SIPA1L1: variants seen among roughly 807,000 people sequenced by gnomAD.
SIPA1L1 encodes signal induced proliferation associated 1 like 1.
Under a neutral mutation model 162.7 loss-of-function variants are expected in SIPA1L1, and 26 were observed. The ratio of observed to expected loss-of-function variants is 0.16; its 90% confidence interval spans 0.12 to 0.22. The LOEUF (loss-of-function observed/expected upper bound fraction) is 0.22, where lower values mean the gene tolerates loss of function less well. Among genes scored for constraint, SIPA1L1 ranks in the 10% least tolerant of loss-of-function variants. The pLI is 1.00. For missense variants in SIPA1L1, 1,874 were observed against 2,241.0 expected, an observed-to-expected ratio of 0.84 and a Z score of 3.31; for synonymous variants, 829 against 837.4, an observed-to-expected ratio of 0.99 and a Z score of 0.17.
intron 4 of SIPA1L1, among the ~76,000 whole-genome samples, chr14:71,542,290 C>G (rs1460644268): frequency 6.7e-6 from 1 of 149,694 alleles, no homozygotes; most frequent in Non-Finnish European, 1.5e-5. Flanking sequence ...CTCTCCTCTT[C>G]CTCTTCTCCT....
chr14:71,693,341 A>C (rs1024329211), intron 13 of SIPA1L1, among the ~76,000 whole-genome samples: 2 of 152,158 alleles, frequency 1.3e-5, no homozygotes, highest in African/African-American at 2.4e-5. Flanking sequence ...TCTACTAAAA[A>C]CACAATAATT....
chr14:71,537,524 G>A (rs769683027), intron 4 of SIPA1L1, among the ~76,000 whole-genome samples: 3 of 152,120 alleles, frequency 2.0e-5, no homozygotes, highest in African/African-American at 4.8e-5. Flanking sequence ...ACTTCTACAC[G>A]AAGACAGACT....
chr14:71,702,850 A>G (rs1349042875), intron 15 of SIPA1L1, among the ~76,000 whole-genome samples: 6 of 152,194 alleles, frequency 3.9e-5, no homozygotes, highest in Admixed American at 2.6e-4. Context: ...CTTAATGTCA[A>G]TTTGAAAAAC....
intron 4 of SIPA1L1, among the ~76,000 whole-genome samples, chr14:71,576,371 A>T (rs1031548148): frequency 6.6e-6 from 1 of 152,218 alleles, no homozygotes; most frequent in African/African-American, 2.4e-5. Context: ...TAGTGAGATA[A>T]TGAGCAGTGC....
At position 71,702,444 on chromosome 14, in the gene SIPA1L1, T is replaced by C. The variant is rs773385862; in HGVS notation, c.3585T>C (p.Gly1195=). Residue 1195 remains glycine, a synonymous_variant, in exon 15 of 24, where the codon GGT becomes GGC. Coordinates refer to ENST00000381232, the MANE Select transcript of SIPA1L1 (RefSeq NM_001386936.1). ...GGCAGAACACCCAGTCAGATATTGG[T>C]GGCAGCGGAAAATCCACGCCTAGCT... The part of the protein sequence containing the change: ...IDRQNTQSDI[G]GSGKSTPSWQ... 6.2e-7 allele frequency: 1 copy of C among 1,614,072 alleles called. No homozygotes were observed. The highest frequency in any genetic ancestry group is 1.7e-5 in the Admixed American group (1 of 60,010).
intron 4 of SIPA1L1, among the ~76,000 whole-genome samples, chr14:71,584,544 G>T (rs551458691): frequency 6.6e-6 from 1 of 152,342 alleles, no homozygotes; most frequent in Non-Finnish European, 1.5e-5. Context: ...TGGATGTATG[G>T]TCCATGCTCT....
In SIPA1L1 at chr14:71,641,679, AGCCACT is replaced by A. The variant is rs1412214809; in HGVS notation, c.1819-8653_1819-8648del. Among the ~76,000 whole-genome samples, 9 of 152,280 alleles carry A rather than the reference AGCCACT, an allele frequency of 5.9e-5. No homozygotes were observed. The East Asian group carries it at 1.2e-3, about 20-fold the overall frequency. On this transcript the variant is annotated intron_variant, in intron 7 of 23. Transcript: ENST00000381232. Reference sequence around the variant, plus strand: ...CGGAGCTTGCAGTGAGCCGAGATGGAGCCACTGCACTCCAGCCTGGGTGATAGAGCG... The same window carrying A: ...CGGAGCTTGCAGTGAGCCGAGATGGAGCACTCCAGCCTGGGTGATAGAGCG...
chr14:71,339,393 C>T (rs927177342), intron 2 of SIPA1L1, among the ~76,000 whole-genome samples: 4 of 149,920 alleles, frequency 2.7e-5, no homozygotes, highest in African/African-American at 4.9e-5. Flanking sequence ...GACAAAGTCT[C>T]GCTCTGTAGG....
At chr14:71,367,535 C>T (rs1285004651) in intron 2 of SIPA1L1, among the ~76,000 whole-genome samples, 3 of 151,524 alleles carry the variant, frequency 2.0e-5, no homozygotes, top group Non-Finnish European at 4.4e-5. Context: ...GTCTCGATCT[C>T]CTGACCTCGT....
At chr14:71,623,984 A>G (rs934929093) in intron 6 of SIPA1L1, 64 bp from the exon 7 acceptor site, 2 of 1,387,864 alleles carry the variant, frequency 1.4e-6, no homozygotes, top group Non-Finnish European at 2.0e-6. Flanking sequence ...CCTGCAGTGC[A>G]TGTACATGTG....
intron 14 of SIPA1L1, among the ~76,000 whole-genome samples, chr14:71,702,016 T>C (rs987483589): frequency 6.6e-6 from 1 of 152,248 alleles, no homozygotes; most frequent in Non-Finnish European, 1.5e-5. Context: ...TATTAATATT[T>C]AGTTTGTGAA....
intron 4 of SIPA1L1, among the ~76,000 whole-genome samples, chr14:71,554,920 A>G (rs2056213937): frequency 6.6e-6 from 1 of 152,218 alleles, no homozygotes; most frequent in Non-Finnish European, 1.5e-5. Flanking sequence ...AAGCATTTTA[A>G]AGGCTCTCGA....
At chr14:71,347,430 G>A (rs1030284096) in intron 2 of SIPA1L1, among the ~76,000 whole-genome samples, 3 of 151,642 alleles carry the variant, frequency 2.0e-5, no homozygotes, top group Non-Finnish European at 4.4e-5. Context: ...CTACTTTTTG[G>A]CTATTAAGAA....
At chr14:71,527,904 A>G (rs1405042416) in intron 3 of SIPA1L1, among the ~76,000 whole-genome samples, 1 of 151,962 alleles carries the variant, frequency 6.6e-6, no homozygotes, top group African/African-American at 2.4e-5. Context: ...TTTTGTTTTG[A>G]GACCGAGTCT....
intron 2 of SIPA1L1, chr14:71,400,918 A>C (rs946141585): frequency 1.3e-5 from 2 of 152,138 alleles, no homozygotes; most frequent in Non-Finnish European, 2.9e-5. Context: ...CAGATTACGC[A>C]GTGAGTAGTA....
intron 4 of SIPA1L1, among the ~76,000 whole-genome samples, chr14:71,532,160 G>A (rs1161427846): frequency 1.3e-5 from 2 of 152,050 alleles, no homozygotes; most frequent in South Asian, 4.2e-4. Context: ...TGTTGAAATT[G>A]TTTGAAGATC....
At chr14:71,515,270 A>C (rs1158021100) in intron 3 of SIPA1L1, among the ~76,000 whole-genome samples, 1 of 152,222 alleles carries the variant, frequency 6.6e-6, no homozygotes, top group African/African-American at 2.4e-5. Flanking sequence ...CGTGTAGCAA[A>C]ATTACGGCTT....
rs1204990 is a variant in SIPA1L1 at position 71,735,591 on chromosome 14, C to T, written c.5123+200C>T. On this transcript the variant is annotated intron_variant, in intron 22 of 23. Coordinates refer to ENST00000381232, the MANE Select transcript of SIPA1L1 (RefSeq NM_001386936.1). ...ATTAAACTATTCTTGATGACTTATA[C>T]GGCCATAATGATGAATATTCATTAT... is the stretch of plus-strand genomic sequence containing the variant. 2,662 of 497,236 alleles carry T rather than the reference C, an allele frequency of 5.4e-3. 53 individuals are homozygous for T. Among genetic ancestry groups the T allele is most frequent in the African/African-American group, 0.045 (2,319 of 51,604 alleles). 30.8% of individuals were successfully genotyped at this position (497,236 alleles called of 1,614,324 possible).
chr14:71,624,088 C>T lies in SIPA1L1; in HGVS notation c.1670C>T (p.Pro557Leu), dbSNP rs1004147654. Reference protein sequence around the residue: ...LRGSVLEDAIPSTAKHSTARG... With the variant: ...LRGSVLEDAILSTAKHSTARG... ...GGTTCGGTCCTGGAGGACGCCATTC[C>T]GTCGACAGCCAAGCACTCGACAGCC... is the stretch of plus-strand genomic sequence containing the variant. The change falls in exon 7 of 24, where the codon CCG (proline) becomes CTG (leucine). Residue 557 changes from proline to leucine, a missense_variant. Around this residue, in one of 5 missense-constraint regions of SIPA1L1, gnomAD observed 685 missense variants for 828.0 expected, o/e 0.83. Transcript: ENST00000381232. 4 of 1,613,160 alleles carry T rather than the reference C, an allele frequency of 2.5e-6. No homozygotes were observed. Among genetic ancestry groups the T allele is most frequent in the Non-Finnish European group, 3.4e-6 (4 of 1,179,576 alleles).
Sources: allele counts gnomAD v4.1 joint callset (sites outside exome capture counted in the v4.1 genomes callset), GRCh38; gene constraint gnomAD v4.1.1; regional missense constraint gnomAD v4.1.1; transcripts MANE v1.5; gene names NCBI Gene and HGNC (gene_info 2026-07-23, HGNC 2026-07-21).